LIN28B: variants seen among roughly 807,000 people sequenced by gnomAD.
LIN28B encodes lin-28 RNA binding posttranscriptional regulator B.
LIN28B carries 5 observed loss-of-function variants against 21.9 expected under a neutral mutation model. That is an observed-to-expected ratio of 0.23 (90% CI 0.12 to 0.48). The LOEUF is 0.48. LIN28B is among the 20% of genes least tolerant of loss of function. LIN28B has a pLI of 0.98. For synonymous variants in LIN28B, 109 were observed against 111.3 expected (o/e 0.98, Z 0.13); for missense variants, 245 against 310.5 (o/e 0.79, Z 1.58).
intron 2 of LIN28B, 103 bp downstream of exon 2, chr6:104,958,389 GAA>G: frequency 1.1e-6 from 1 of 942,300 alleles, no homozygotes; most frequent in Admixed American, 2.3e-5. Context: ...TCGGTATATT[GAA>G]AGACAAAATC....
chr6:104,977,916 G>GA (rs1192376927), intron 2 of LIN28B, among the ~76,000 whole-genome samples: 3 of 151,912 alleles, frequency 2.0e-5, no homozygotes, highest in Non-Finnish European at 4.4e-5. Flanking sequence ...CTTGAACAAT[G>GA]AAAAAAAGCA....
intron 3 of LIN28B, among the ~76,000 whole-genome samples, chr6:105,061,430 T>C (rs1192083562): frequency 6.6e-6 from 1 of 152,158 alleles, no homozygotes; most frequent in African/African-American, 2.4e-5. Context: ...ATTATTGGGC[T>C]ATTTAGTTTG....
upstream of LIN28B, among the ~76,000 whole-genome samples, chr6:104,954,315 C>G (rs1778257977): frequency 6.6e-6 from 1 of 152,084 alleles, no homozygotes; most frequent in African/African-American, 2.4e-5. Flanking sequence ...AAGAAGCACT[C>G]TAGGAGCTTT....
rs200339023 is a variant in LIN28B, at chr6:104,971,296, TTTTA to T, written c.198+13014_198+13017del. Among the ~76,000 whole-genome samples the T allele has an allele frequency of 2.3e-3, 352 of 152,240 alleles. 3 individuals carry two copies. The East Asian group carries it at 0.039, about 17-fold the overall frequency. On this transcript the variant is annotated intron_variant, in intron 2 of 3. Transcript: ENST00000345080. ...CTAATAGGCATTTTTGTTTAAAATA[TTTTA>T]TTTCAATGAGTATTTATTGTTTACA...
chr6:104,985,869 A>G (rs962285025), intron 2 of LIN28B, among the ~76,000 whole-genome samples: 3 of 152,164 alleles, frequency 2.0e-5, no homozygotes, highest in Non-Finnish European at 4.4e-5. Flanking sequence ...ATGAGTATTC[A>G]GTTGACCCAA....
intron 3 of LIN28B, among the ~76,000 whole-genome samples, chr6:105,073,769 A>T (rs1772375225): frequency 6.6e-6 from 1 of 152,150 alleles, no homozygotes; most frequent in Admixed American, 6.5e-5. Context: ...CACTCTCAGG[A>T]TCGAGAGGGA....
intron 2 of LIN28B, among the ~76,000 whole-genome samples, chr6:104,975,991 A>G (rs535498774): frequency 1.6e-3 from 240 of 152,134 alleles, no homozygotes; most frequent in South Asian, 2.9e-3. Context: ...CTAGTGTGCT[A>G]TGTCCTGATG....
chr6:105,036,264 C>G (rs2114357733), intron 3 of LIN28B, among the ~76,000 whole-genome samples: 1 of 152,322 alleles, frequency 6.6e-6, no homozygotes, highest in South Asian at 2.1e-4. Flanking sequence ...GTACTTCCTA[C>G]TAATGACTGG....
chr6:104,937,510 C>G (rs992190859), intron 2 of LIN28B, among the ~76,000 whole-genome samples: 1 of 152,206 alleles, frequency 6.6e-6, no homozygotes. Flanking sequence ...AGTGATCTGC[C>G]CGCCTCGGCC....
chr6:104,969,651 C>T (rs1416986987), intron 2 of LIN28B, among the ~76,000 whole-genome samples: 1 of 151,954 alleles, frequency 6.6e-6, no homozygotes. Context: ...GTATGGTATC[C>T]TGTTGGTAGT....
intron 2 of LIN28B, among the ~76,000 whole-genome samples, chr6:104,993,398 T>A (rs1770535181): frequency 2.6e-5 from 4 of 151,542 alleles, no homozygotes; most frequent in Admixed American, 6.6e-5. Context: ...AGCTCAGGAT[T>A]TCGACTGTAG....
At chr6:104,976,374 A>C (rs534528763) in intron 2 of LIN28B, among the ~76,000 whole-genome samples, 1 of 152,358 alleles carries the variant, frequency 6.6e-6, no homozygotes, top group Non-Finnish European at 1.5e-5. Flanking sequence ...ATGAAGAACG[A>C]GTAGGCAAAT....
chr6:104,960,233 G>A (rs1410811157), intron 2 of LIN28B, among the ~76,000 whole-genome samples: 1 of 151,772 alleles, frequency 6.6e-6, no homozygotes, highest in East Asian at 1.9e-4. Context: ...TACATAAATT[G>A]TATATAAATT....
chr6:104,973,307 A>G (rs1770017088), intron 2 of LIN28B, among the ~76,000 whole-genome samples: 2 of 152,066 alleles, frequency 1.3e-5, no homozygotes, highest in African/African-American at 4.8e-5. Context: ...AAAACATGGG[A>G]TAATGTTTTC....
chr6:104,973,978 T>C (rs1400287683), intron 2 of LIN28B, among the ~76,000 whole-genome samples: 1 of 152,218 alleles, frequency 6.6e-6, no homozygotes, highest in African/African-American at 2.4e-5. Flanking sequence ...AGAAAGTATA[T>C]ATGAAATGTT....
chr6:104,952,593 C>T (rs1778232167), upstream of LIN28B, among the ~76,000 whole-genome samples: 4 of 152,198 alleles, frequency 2.6e-5, no homozygotes, highest in South Asian at 6.2e-4. Context: ...TAAAATAATG[C>T]TCCTTTTCTG....
intron 3 of LIN28B, among the ~76,000 whole-genome samples, chr6:105,061,842 T>C (rs1258053269): frequency 6.6e-6 from 1 of 152,108 alleles, no homozygotes; most frequent in East Asian, 1.9e-4. Context: ...ATGAACAATG[T>C]GTACATAAAC....
intron 3 of LIN28B, among the ~76,000 whole-genome samples, chr6:105,026,799 C>T (rs1411015293): frequency 2.0e-5 from 3 of 152,094 alleles, no homozygotes. Flanking sequence ...TGCCAAACAC[C>T]TCACCTCTTT....
chr6:104,955,416 C>CA (rs796890559), upstream of LIN28B, among the ~76,000 whole-genome samples: 5,755 of 142,048 alleles, frequency 0.041, 337 homozygotes, highest in African/African-American at 0.14. Context: ...GAATAACAGA[C>CA]AAAAAAAAAA....
Sources: allele counts gnomAD v4.1 joint callset (sites outside exome capture counted in the v4.1 genomes callset), GRCh38; gene constraint gnomAD v4.1.1; transcripts MANE v1.5; gene names NCBI Gene and HGNC (gene_info 2026-07-23, HGNC 2026-07-21).